The following TMEM108 variants were observed in gnomAD, a reference collection of about 807,000 sequenced individuals.
The protein encoded by TMEM108 is transmembrane protein 108, also known as cancer/testis antigen 124.
In TMEM108, 12 loss-of-function variants were observed where a neutral mutation model predicts 35.1. That is an observed-to-expected ratio of 0.34 (90% CI 0.22 to 0.55). The LOEUF (loss-of-function observed/expected upper bound fraction) is 0.55, where lower values mean the gene tolerates loss of function less well. Among genes scored for constraint, TMEM108 ranks in the 20% least tolerant of loss-of-function variants. The pLI is 0.89. For missense variants in TMEM108, 680 were observed against 753.3 expected, an observed-to-expected ratio of 0.90 and a Z score of 1.14; for synonymous variants, 287 against 308.6, an observed-to-expected ratio of 0.93 and a Z score of 0.73.
intron 3 of TMEM108, among the ~76,000 whole-genome samples, chr3:133,305,924 A>G (rs2071028488): frequency 6.6e-6 from 1 of 151,950 alleles, no homozygotes; most frequent in African/African-American, 2.4e-5. Context: ...CCATTTTTTA[A>G]TTGGGGTGTA....
intron 2 of TMEM108, among the ~76,000 whole-genome samples, chr3:133,153,935 TACAAAACTTTGTATTTGTAAATGAA>T (rs1944838521): frequency 6.6e-6 from 1 of 152,094 alleles, no homozygotes; most frequent in Non-Finnish European, 1.5e-5. Context: ...TATTTACAAA[TACAAAACTTTGTATTTGTAAATGAA>T]GGTGGTATAT....
At chr3:133,267,080 CAAAA>C (rs567345267) in intron 3 of TMEM108, among the ~76,000 whole-genome samples, 1 of 115,946 alleles carries the variant, frequency 8.6e-6, no homozygotes. Flanking sequence ...GACTCCACCT[CAAAA>C]AAAAAAAAAA....
At chr3:133,153,926 A>G (rs1390716251) in intron 2 of TMEM108, among the ~76,000 whole-genome samples, 2 of 152,150 alleles carry the variant, frequency 1.3e-5, no homozygotes, top group African/African-American at 4.8e-5. Flanking sequence ...CACACCATGT[A>G]TTTACAAATA....
At chr3:133,258,023 G>A (rs1353748547) in intron 3 of TMEM108, among the ~76,000 whole-genome samples, 1 of 152,130 alleles carries the variant, frequency 6.6e-6, no homozygotes, top group Admixed American at 6.5e-5. Context: ...TAGACTGTAT[G>A]TTTATGATCC....
At chr3:133,049,472 A>G (rs1296797738) in intron 2 of TMEM108, among the ~76,000 whole-genome samples, 1 of 152,170 alleles carries the variant, frequency 6.6e-6, no homozygotes. Flanking sequence ...TCAGAAACTT[A>G]CATTTAGAAT....
At chr3:133,081,097 G>A (rs11922697) in intron 2 of TMEM108, among the ~76,000 whole-genome samples, 22,031 of 152,166 alleles carry the variant, frequency 0.14, 1,585 homozygotes, top group East Asian at 0.19. Context: ...GCACAGTGTC[G>A]TCACTTCTCA....
chr3:133,079,328 C>T (rs1412896976), intron 2 of TMEM108, among the ~76,000 whole-genome samples: 3 of 152,110 alleles, frequency 2.0e-5, no homozygotes, highest in African/African-American at 7.2e-5. Context: ...TTGAGATGTT[C>T]GTCATTATCT....
chr3:133,380,254 C>A lies in TMEM108; in HGVS notation c.543C>A (p.Arg181=), dbSNP rs1256012149. 3.1e-6 allele frequency: 5 copies of A among 1,614,018 alleles called. No individual in the cohort carries two copies. Among genetic ancestry groups the A allele is most frequent in the Non-Finnish European group, 4.2e-6 (5 of 1,179,966 alleles). Residue 181 remains arginine, a synonymous_variant, in exon 4 of 6, where the codon CGC becomes CGA. Transcript: ENST00000321871. The surrounding 1 kb of genome is among the most constrained non-coding windows in gnomAD (Gnocchi z 5.3). ...GAAAAGGGGCTGGTAATTCATCACG[C>A]CCTGTCCCGCCTGCACCTGGTGGCC... The part of the protein sequence containing the change: ...SSRKGAGNSS[R]PVPPAPGGHS...
At chr3:133,212,481 T>A (rs1945846193) in intron 2 of TMEM108, among the ~76,000 whole-genome samples, 1 of 152,206 alleles carries the variant, frequency 6.6e-6, no homozygotes, top group African/African-American at 2.4e-5. Flanking sequence ...ACCCACACTG[T>A]TGATCATAAG....
intron 2 of TMEM108, among the ~76,000 whole-genome samples, chr3:133,121,701 A>G (rs1260938542): frequency 1.3e-5 from 2 of 152,186 alleles, no homozygotes. Flanking sequence ...TGGCTTTCAG[A>G]GATTTCCTGG....
chr3:133,345,675 G>T (rs927731158), intron 3 of TMEM108, among the ~76,000 whole-genome samples: 1 of 151,730 alleles, frequency 6.6e-6, no homozygotes, highest in Non-Finnish European at 1.5e-5. Context: ...CAAAATATAT[G>T]GTTACAGAGT....
rs897490105 is a variant in TMEM108 at position 133,179,322 on chromosome 3, T to C, written c.-46-49944T>C. ...CATTACTGGGTATATACCCAAAGGA[T>C]TATAAATCATGCTGCCATAAAGACA... On this transcript the variant is annotated intron_variant, in intron 2 of 5. Coordinates refer to ENST00000321871, the MANE Select transcript of TMEM108 (RefSeq NM_023943.4). Among the ~76,000 whole-genome samples, 582 of 152,234 alleles carry C rather than the reference T, an allele frequency of 3.8e-3. 3 individuals are homozygous for C. The highest frequency in any genetic ancestry group is 5.0e-3 in the Non-Finnish European group (337 of 68,012).
At chr3:133,155,739 A>G (rs370318620) in intron 2 of TMEM108, among the ~76,000 whole-genome samples, 3 of 152,036 alleles carry the variant, frequency 2.0e-5, no homozygotes, top group Non-Finnish European at 4.4e-5. Flanking sequence ...TAGATTCTGG[A>G]TATTAGACCT....
At chr3:133,308,067 G>A (rs2071069582) in intron 3 of TMEM108, among the ~76,000 whole-genome samples, 1 of 152,042 alleles carries the variant, frequency 6.6e-6, no homozygotes, top group South Asian at 2.1e-4. Flanking sequence ...CCTTGAAGAG[G>A]TCCTTCACAT....
chr3:133,375,206 A>G (rs1013151573), intron 3 of TMEM108, among the ~76,000 whole-genome samples: 2 of 152,200 alleles, frequency 1.3e-5, no homozygotes, highest in Non-Finnish European at 2.9e-5. Flanking sequence ...CATGCCCAAT[A>G]TGGACTGCAG....
intron 2 of TMEM108, among the ~76,000 whole-genome samples, chr3:133,211,317 A>G (rs1318632390): frequency 6.6e-6 from 1 of 152,162 alleles, no homozygotes; most frequent in Non-Finnish European, 1.5e-5. Context: ...CTGCTGCCCA[A>G]AGGAAATACA....
intron 2 of TMEM108, among the ~76,000 whole-genome samples, chr3:133,103,532 T>C (rs906721635): frequency 6.6e-6 from 1 of 152,022 alleles, no homozygotes; most frequent in Non-Finnish European, 1.5e-5. Context: ...CAACCCCCCA[T>C]GATACAAGTT....
At chr3:133,271,919 A>G (rs186707031) in intron 3 of TMEM108, among the ~76,000 whole-genome samples, 2 of 152,344 alleles carry the variant, frequency 1.3e-5, no homozygotes, top group East Asian at 1.9e-4. Context: ...CTCTGTGTTC[A>G]AAGACCTCAT....
At chr3:133,313,429 C>T (rs1341274301) in intron 3 of TMEM108, among the ~76,000 whole-genome samples, 1 of 152,210 alleles carries the variant, frequency 6.6e-6, no homozygotes, top group African/African-American at 2.4e-5. Context: ...TCGTGATCCA[C>T]CTGCCTTGGC....
Sources: allele counts gnomAD v4.1 joint callset (sites outside exome capture counted in the v4.1 genomes callset), GRCh38; gene constraint gnomAD v4.1.1; non-coding constraint Gnocchi (gnomAD v3.1); transcripts MANE v1.5; gene names NCBI Gene and HGNC (gene_info 2026-07-23, HGNC 2026-07-21).